GRIK4: variants seen among roughly 807,000 people sequenced by gnomAD.
GRIK4 encodes glutamate ionotropic receptor kainate type subunit 4, also known as glutamate receptor ionotropic, kainate 4.
GRIK4 carries 40 observed loss-of-function variants against 104.9 expected under a neutral mutation model. That is an observed-to-expected ratio of 0.38 (90% CI 0.30 to 0.50). The LOEUF (loss-of-function observed/expected upper bound fraction) is 0.50, where lower values mean the gene tolerates loss of function less well. Ranked by LOEUF, GRIK4 falls within the 20% of genes least tolerant of loss-of-function variation. GRIK4 has a pLI of 0.93. For missense variants in GRIK4, 1,047 were observed against 1,308.1 expected (o/e 0.80, Z 3.08); for synonymous variants, 485 against 524.9 (o/e 0.92, Z 1.04).
At chr11:120,635,522 C>A (rs544053434) in intron 1 of GRIK4, among the ~76,000 whole-genome samples, 11 of 152,324 alleles carry the variant, frequency 7.2e-5, no homozygotes, top group African/African-American at 2.2e-4. Context: ...TGAGTTAAAG[C>A]GATTCTGCTT....
intron 1 of GRIK4, among the ~76,000 whole-genome samples, chr11:120,595,810 C>T (rs1420511604): frequency 6.6e-6 from 1 of 152,154 alleles, no homozygotes; most frequent in Non-Finnish European, 1.5e-5. Flanking sequence ...CAGAGCACCT[C>T]CCAGTCTGCA....
chr11:120,925,594 T>C (rs970981886), intron 13 of GRIK4, among the ~76,000 whole-genome samples: 2 of 152,172 alleles, frequency 1.3e-5, no homozygotes, highest in Non-Finnish European at 2.9e-5. Context: ...CTGGTGAAAA[T>C]TCAGTGCCCC....
At chr11:120,574,789 C>CTGT (rs1948456183) in intron 1 of GRIK4, among the ~76,000 whole-genome samples, 1 of 152,142 alleles carries the variant, frequency 6.6e-6, no homozygotes, top group Admixed American at 6.5e-5. Context: ...GGAGGGGAGG[C>CTGT]GCTTTCCTCT....
chr11:120,602,650 G>A (rs938191147), intron 1 of GRIK4, among the ~76,000 whole-genome samples: 2 of 152,208 alleles, frequency 1.3e-5, no homozygotes, highest in African/African-American at 2.4e-5. Flanking sequence ...GCCTATCTGG[G>A]TATGAGGGTA....
chr11:120,537,939 C>G (rs572495269), intron 1 of GRIK4, among the ~76,000 whole-genome samples: 1 of 152,082 alleles, frequency 6.6e-6, no homozygotes, highest in South Asian at 2.1e-4. Context: ...AGGGAAGTGT[C>G]TCTATCCTAT....
intron 1 of GRIK4, chr11:120,620,348 A>G (rs1949170931): frequency 1.7e-6 from 1 of 605,300 alleles, no homozygotes. Context: ...CCCCAGCTCG[A>G]GACTCACTTG....
chr11:120,654,042 G>A (rs766919496), intron 2 of GRIK4, among the ~76,000 whole-genome samples: 70 of 152,272 alleles, frequency 4.6e-4, no homozygotes, highest in Non-Finnish European at 7.5e-4. Flanking sequence ...CTAAAGTACG[G>A]GAATGAGGCC....
At chr11:120,672,309 A>T (rs1398949349) in intron 3 of GRIK4, among the ~76,000 whole-genome samples, 1 of 152,142 alleles carries the variant, frequency 6.6e-6, no homozygotes, top group Non-Finnish European at 1.5e-5. Flanking sequence ...CCAGCTACTC[A>T]GGAGGCTGAG....
At chr11:120,708,713 C>T (rs1003917092) in intron 3 of GRIK4, among the ~76,000 whole-genome samples, 15 of 152,206 alleles carry the variant, frequency 9.9e-5, no homozygotes, top group African/African-American at 2.4e-4. Flanking sequence ...TGGGCCAGAA[C>T]GCAGTTGCCG....
chr11:120,724,385 A>G (rs1268553610), intron 3 of GRIK4, among the ~76,000 whole-genome samples: 1 of 152,226 alleles, frequency 6.6e-6, no homozygotes, highest in Admixed American at 6.5e-5. Context: ...TTCACCAGTT[A>G]AAGGACATTT....
At chr11:120,830,806 C>T (rs1176762935) in intron 6 of GRIK4, among the ~76,000 whole-genome samples, 5 of 152,194 alleles carry the variant, frequency 3.3e-5, no homozygotes, top group African/African-American at 9.7e-5. Context: ...CAAACGCCTA[C>T]GTGATGTCTT....
intron 3 of GRIK4, among the ~76,000 whole-genome samples, chr11:120,737,894 G>T (rs1227779691): frequency 6.6e-6 from 1 of 152,176 alleles, no homozygotes; most frequent in East Asian, 1.9e-4. Context: ...TATTGTGTGT[G>T]TGGTTTTCTG....
At chr11:120,883,190 G>A (rs1955015965) in intron 11 of GRIK4, among the ~76,000 whole-genome samples, 1 of 152,168 alleles carries the variant, frequency 6.6e-6, no homozygotes, top group South Asian at 2.1e-4. Context: ...GGGCCCCGGG[G>A]AGGTGTGCAG....
chr11:120,654,114 C>T (rs1438139120), intron 2 of GRIK4, among the ~76,000 whole-genome samples: 1 of 152,232 alleles, frequency 6.6e-6, no homozygotes, highest in African/African-American at 2.4e-5. Context: ...ACTGACATAC[C>T]TGCTTTCAAC....
intron 1 of GRIK4, among the ~76,000 whole-genome samples, chr11:120,569,302 T>C (rs541443927): frequency 2.6e-5 from 4 of 152,364 alleles, no homozygotes; most frequent in African/African-American, 9.6e-5. Context: ...GATCTCTTTA[T>C]GGTCTGCTAA....
chr11:120,538,772 A>G (rs1948003718), intron 1 of GRIK4, among the ~76,000 whole-genome samples: 1 of 152,134 alleles, frequency 6.6e-6, no homozygotes, highest in Admixed American at 6.5e-5. Context: ...GCATTGGCAA[A>G]CCAATGCAAC....
At chr11:120,857,377 T>G (rs1414909394) in intron 8 of GRIK4, among the ~76,000 whole-genome samples, 1 of 152,164 alleles carries the variant, frequency 6.6e-6, no homozygotes, top group Admixed American at 6.5e-5. Context: ...CGTGAAGCAT[T>G]CCTTCATCTC....
intron 1 of GRIK4, among the ~76,000 whole-genome samples, chr11:120,585,365 T>A (rs534402683): frequency 6.6e-6 from 1 of 151,860 alleles, no homozygotes; most frequent in South Asian, 2.1e-4. Context: ...TCTTTTTTTT[T>A]GTGAGACAGA....
intron 6 of GRIK4, among the ~76,000 whole-genome samples, chr11:120,820,873 G>A (rs1953106535): frequency 6.6e-6 from 1 of 152,194 alleles, no homozygotes; most frequent in South Asian, 2.1e-4. Context: ...CCAGACCTCT[G>A]TGCCTGGCAT....
Sources: allele counts gnomAD v4.1 joint callset (sites outside exome capture counted in the v4.1 genomes callset), GRCh38; gene constraint gnomAD v4.1.1; transcripts MANE v1.5; gene names NCBI Gene and HGNC (gene_info 2026-07-23, HGNC 2026-07-21).